Variants in SIM2 observed in about 807,000 individuals in gnomAD.
The protein encoded by SIM2 is single-minded homolog 2.
SIM2 carries 28 observed loss-of-function variants against 64.8 expected under a neutral mutation model. That is an observed-to-expected ratio of 0.43 (90% CI 0.32 to 0.59). The LOEUF (loss-of-function observed/expected upper bound fraction) is 0.59. SIM2 is among the 20% of genes least tolerant of loss of function. The pLI is 0.07. For missense variants in SIM2, 847 were observed against 871.4 expected, an observed-to-expected ratio of 0.97 and a Z score of 0.35; for synonymous variants, 408 against 391.1, an observed-to-expected ratio of 1.04 and a Z score of -0.51.
At chr21:36,735,989 G>C (rs1015873550) in intron 7 of SIM2, among the ~76,000 whole-genome samples, 3 of 152,170 alleles carry the variant, frequency 2.0e-5, no homozygotes, top group Non-Finnish European at 4.4e-5. Context: ...TTCCACCAGG[G>C]TCCCCACTGT....
chr21:36,735,150 TGTCA>T (rs2089025828), intron 7 of SIM2, among the ~76,000 whole-genome samples: 1 of 152,158 alleles, frequency 6.6e-6, no homozygotes, highest in African/African-American at 2.4e-5. Flanking sequence ...CCCCTGTGCC[TGTCA>T]GTCAGTAGCT....
Position 36,742,031 on chromosome 21 carries a change from G to T in SIM2, c.998+167G>T, listed in dbSNP as rs564648374. ...TTTTTTTTAGGAATCTGGTCATTTT[G>T]GAAGGTGCAAACTATTTCTATGCTC... On this transcript the variant is annotated intron_variant, in intron 8 of 10. Transcript: ENST00000290399. 3.5e-3 allele frequency among the ~76,000 whole-genome samples: 520 copies of T among 146,612 alleles called. 1 individual carries two copies. Among genetic ancestry groups the T allele is most frequent in the Non-Finnish European group, 6.3e-3 (422 of 67,098 alleles).
At chr21:36,717,588 C>G (rs2088764728) in intron 3 of SIM2, among the ~76,000 whole-genome samples, 1 of 151,970 alleles carries the variant, frequency 6.6e-6, no homozygotes, top group Non-Finnish European at 1.5e-5. Context: ...GCTGGGATCA[C>G]AGCCGCATGC....
Position 36,712,645 on chromosome 21 carries a change from T to C in SIM2, c.348+23T>C. 2.7e-6 allele frequency: 4 copies of C among 1,501,356 alleles called. No homozygotes were observed. The East Asian group carries it at 6.8e-5, about 25-fold the overall frequency. The allele number at this position is 1,501,356 out of a possible 1,614,324, so 93.0% of individuals were successfully genotyped here. On this transcript the variant is annotated intron_variant, in intron 3 of 10. Transcript: ENST00000290399. Reference sequence around the variant, plus strand: ...CAGGTGGGTATTGCCTAATTTTATGTGCAACCAAAATATTAAACGAAGTGA... The same window carrying C: ...CAGGTGGGTATTGCCTAATTTTATGCGCAACCAAAATATTAAACGAAGTGA...
At chr21:36,729,537 G>C (rs539809360) in intron 6 of SIM2, among the ~76,000 whole-genome samples, 9 of 152,140 alleles carry the variant, frequency 5.9e-5, no homozygotes, top group Non-Finnish European at 8.8e-5. Flanking sequence ...AAGGGAAGCG[G>C]GTTAAAGAAT....
intron 7 of SIM2, among the ~76,000 whole-genome samples, chr21:36,740,658 C>T (rs984222896): frequency 2.6e-5 from 4 of 152,200 alleles, no homozygotes; most frequent in African/African-American, 9.7e-5. Flanking sequence ...GGGGCTTTGC[C>T]CAGCGGTATG....
intron 4 of SIM2, chr21:36,720,234 C>G (rs1568930794): frequency 3.0e-6 from 1 of 334,982 alleles, no homozygotes. Context: ...CCAGGGATTA[C>G]AGCATCACGG....
rs201234631 is a variant in SIM2 at position 36,723,121 on chromosome 21, C to T, written c.534C>T (p.Ser178=). The T allele has an allele frequency of 1.8e-4, 292 of 1,613,860 alleles. 1 individual carries two copies. Among genetic ancestry groups the T allele is most frequent in the South Asian group, 1.2e-3 (111 of 91,068 alleles). ...LAKRNAGLTC[S]GYKVIHCSGY... is the part of the protein sequence containing the mutation. ...AAAGGAACGCGGGCCTGACCTGCAGCGGATACAAGGTACGGGGAGTCATGG... is the reference window on the plus strand; with the variant it reads ...AAAGGAACGCGGGCCTGACCTGCAGTGGATACAAGGTACGGGGAGTCATGG... The change falls in exon 5 of 11, where the codon AGC becomes AGT. Residue 178 remains serine, a synonymous_variant. Coordinates refer to ENST00000290399, the MANE Select transcript of SIM2 (RefSeq NM_005069.6).
chr21:36,728,549 C>T (rs1699950098), intron 6 of SIM2, among the ~76,000 whole-genome samples: 1 of 152,256 alleles, frequency 6.6e-6, no homozygotes, highest in African/African-American at 2.4e-5. Flanking sequence ...GACATCCTGC[C>T]TCTCCCAGAT....
chr21:36,705,607 G>GCC (rs2088569763), intron 1 of SIM2, among the ~76,000 whole-genome samples: 1 of 152,200 alleles, frequency 6.6e-6, no homozygotes, highest in East Asian at 1.9e-4. Flanking sequence ...TAGAGGTCGG[G>GCC]CCCTTCTGGA....
At chr21:36,701,891 C>T (rs373450191) in intron 1 of SIM2, among the ~76,000 whole-genome samples, 5 of 152,346 alleles carry the variant, frequency 3.3e-5, no homozygotes, top group East Asian at 3.8e-4. Context: ...GACGAGAGGG[C>T]ACTCACTGCC....
intron 7 of SIM2, among the ~76,000 whole-genome samples, chr21:36,739,430 A>G (rs1414372167): frequency 6.6e-6 from 1 of 152,190 alleles, no homozygotes; most frequent in African/African-American, 2.4e-5. Context: ...ACATTGTATC[A>G]CACATTTCCC....
In SIM2 at chr21:36,712,607, T is replaced by G. The variant is rs1245214424; in HGVS notation, c.333T>G (p.His111Gln). The G allele has an allele frequency of 6.2e-7, 1 of 1,612,392 alleles. No homozygotes were observed. The highest frequency in any genetic ancestry group is 8.5e-7 in the Non-Finnish European group (1 of 1,178,838). Residue 111 changes from histidine to glutamine, a missense_variant, in exon 3 of 11, where the codon CAT becomes CAG. Transcript: ENST00000290399. The stretch of plus-strand genomic sequence containing the variant: ...ATATATCCGAGACCGCTTCTGTCCA[T>G]TTAGGCTTATCCCAGGTGGGTATTG... ...IMYISETASVHLGLSQVELTG... is the reference protein window; with the variant it reads ...IMYISETASVQLGLSQVELTG...
intron 7 of SIM2, among the ~76,000 whole-genome samples, chr21:36,736,828 CTTCTTTCTTTCTCTTTCTTTTCT>C: frequency 7.3e-6 from 1 of 137,888 alleles, no homozygotes; most frequent in African/African-American, 3.0e-5. Flanking sequence ...CCCTCCCTTT[CTTCTTTCTTTCTCTTTCTTTTCT>C]TTCTTTCTTT....
intron 6 of SIM2, among the ~76,000 whole-genome samples, chr21:36,729,868 T>C (rs1350685115): frequency 6.6e-6 from 1 of 152,164 alleles, no homozygotes; most frequent in Non-Finnish European, 1.5e-5. Context: ...GATGATGTGG[T>C]CTTGGGTACT....
Position 36,745,389 on chromosome 21 carries a change from T to C in SIM2, c.1576+253T>C, listed in dbSNP as rs2123509050. ...AAAGGGCAAAGGAAAACCGAGTATC[T>C]GGCCTTCACGTAAATCCTGGCCACA... On this transcript the variant is annotated intron_variant, in intron 10 of 10. Transcript: ENST00000290399. This position sits in a 1 kb window ranked among gnomAD's most constrained non-coding sequence, Gnocchi z 4.8. 1 of 1,367,498 alleles carries C rather than the reference T, an allele frequency of 7.3e-7. No individual in the cohort carries two copies. The allele number at this position is 1,367,498 out of a possible 1,614,324, so 84.7% of individuals were successfully genotyped here.
Position 36,741,767 on chromosome 21 carries a change from C to T in SIM2, c.901C>T (p.Arg301Trp), listed in dbSNP as rs772274383. 24 of 1,613,100 alleles carry T rather than the reference C, an allele frequency of 1.5e-5. No homozygotes were observed. Among genetic ancestry groups the T allele is most frequent in the East Asian group, 6.7e-5 (3 of 44,882 alleles). The change falls in exon 8 of 11, where the codon CGG becomes TGG. Residue 301 changes from arginine (R) to tryptophan (W), a missense_variant. Around this residue, in one of 3 missense-constraint regions of SIM2, gnomAD observed 397 missense variants for 439.2 expected, o/e 0.90. Coordinates refer to ENST00000290399, the MANE Select transcript of SIM2 (RefSeq NM_005069.6). ...TTKYYRLLSK[R>W]GGWVWVQSYA... ...CAAGTACTACCGGCTGCTGTCCAAG[C>T]GGGGCGGCTGGGTGTGGGTGCAGAG...
chr21:36,719,742 C>A, intron 3 of SIM2, 79 bp from the exon 4 acceptor site: 1 of 826,798 alleles, frequency 1.2e-6, no homozygotes, highest in South Asian at 1.4e-5. Context: ...AGGGTGAGCA[C>A]CTGTGACACA....
In SIM2 at chr21:36,709,221, G is replaced by A; in HGVS notation, c.229G>A (p.Ala77Thr). 6.2e-7 allele frequency: 1 copy of A among 1,609,534 alleles called. No individual in the cohort carries two copies. Among genetic ancestry groups the A allele is most frequent in the Non-Finnish European group, 8.5e-7 (1 of 1,178,518 alleles). ...PSRAGPLDGV[A>T]KELGSHLLQT... ...CCGCGCCGGGCCCCTGGACGGCGTC[G>A]CCAAGGAGCTGGGATCGCACTTGCT... The change falls in exon 2 of 11, where the codon GCC becomes ACC. Residue 77 changes from alanine (A) to threonine (T), a missense_variant. Ala to Thr is a moderately conservative substitution (Grantham distance 58). Around this residue, in one of 3 missense-constraint regions of SIM2, gnomAD observed 397 missense variants for 439.2 expected, o/e 0.90. Coordinates refer to ENST00000290399, the MANE Select transcript of SIM2 (RefSeq NM_005069.6).
Sources: allele counts gnomAD v4.1 joint callset (sites outside exome capture counted in the v4.1 genomes callset), GRCh38; gene constraint gnomAD v4.1.1; regional missense constraint gnomAD v4.1.1; non-coding constraint Gnocchi (gnomAD v3.1); transcripts MANE v1.5; gene names NCBI Gene and HGNC (gene_info 2026-07-23, HGNC 2026-07-21).